Variants in FRAS1 observed in about 807,000 individuals in gnomAD.
FRAS1 encodes Fraser extracellular matrix complex subunit 1.
FRAS1 carries 290 observed loss-of-function variants against 435.2 expected under a neutral mutation model. The observed-to-expected ratio is 0.67, with a 90% CI of 0.61 to 0.73. The LOEUF is 0.73. FRAS1 is among the 30% of genes least tolerant of loss of function. The probability of loss-of-function intolerance (pLI) is 0.00; values close to 1 mark genes in which losing one functional copy is unlikely to be tolerated. For synonymous variants in FRAS1, 1,800 were observed against 1,851.0 expected, an observed-to-expected ratio of 0.97 and a Z score of 0.71; for missense variants, 4,860 against 5,001.5, an observed-to-expected ratio of 0.97 and a Z score of 0.85.
chr4:78,183,331 C>G (rs17420859), intron 2 of FRAS1, among the ~76,000 whole-genome samples: 9,595 of 152,160 alleles, frequency 0.063, 386 homozygotes, highest in Non-Finnish European at 0.092. Flanking sequence ...AGTCTCCAAC[C>G]ACAAGAACAA....
intron 18 of FRAS1, among the ~76,000 whole-genome samples, chr4:78,328,376 A>G (rs966968282): frequency 6.6e-6 from 1 of 152,240 alleles, no homozygotes; most frequent in Non-Finnish European, 1.5e-5. Flanking sequence ...AAAGTCTGAT[A>G]TAAACCTAAT....
At chr4:78,419,303 T>C (rs927892586) in intron 33 of FRAS1, among the ~76,000 whole-genome samples, 1 of 152,192 alleles carries the variant, frequency 6.6e-6, no homozygotes, top group African/African-American at 2.4e-5. Flanking sequence ...TAGCATAGCA[T>C]GCTGGATGGA....
At chr4:78,328,076 A>G (rs1031341226) in intron 18 of FRAS1, among the ~76,000 whole-genome samples, 1 of 152,142 alleles carries the variant, frequency 6.6e-6, no homozygotes, top group African/African-American at 2.4e-5. Flanking sequence ...CATTGAGCTT[A>G]TTTCTAAAAT....
chr4:78,217,723 C>A (rs994807341), intron 2 of FRAS1, among the ~76,000 whole-genome samples: 4 of 151,982 alleles, frequency 2.6e-5, no homozygotes, highest in Non-Finnish European at 5.9e-5. Flanking sequence ...TTTCAGCATT[C>A]ATTCAATGGA....
At chr4:78,204,899 T>C (rs1054219099) in intron 2 of FRAS1, among the ~76,000 whole-genome samples, 4 of 152,184 alleles carry the variant, frequency 2.6e-5, no homozygotes, top group Non-Finnish European at 4.4e-5. Flanking sequence ...TTTTCGTATA[T>C]TTTTGGGGAT....
At chr4:78,196,012 T>G (rs1722795565) in intron 2 of FRAS1, among the ~76,000 whole-genome samples, 1 of 152,096 alleles carries the variant, frequency 6.6e-6, no homozygotes, top group Admixed American at 6.5e-5. Context: ...TTTATTATGT[T>G]TTAATTTTTG....
At chr4:78,532,164 C>T (rs532468758) in intron 70 of FRAS1, among the ~76,000 whole-genome samples, 20 of 152,316 alleles carry the variant, frequency 1.3e-4, no homozygotes, top group African/African-American at 4.6e-4. Context: ...TCCCAAGTTA[C>T]CTCTGTGATC....
intron 30 of FRAS1, among the ~76,000 whole-genome samples, chr4:78,401,225 CTGTA>C (rs1732879925): frequency 6.6e-6 from 1 of 152,064 alleles, no homozygotes; most frequent in African/African-American, 2.4e-5. Flanking sequence ...CTCTCAAACT[CTGTA>C]TTATATGCCT....
Position 78,266,832 on chromosome 4 carries a change from A to G in FRAS1, c.688-2A>G. On this transcript the variant is annotated splice_acceptor_variant, in intron 7 of 73. Coordinates refer to ENST00000512123, the MANE Select transcript of FRAS1 (RefSeq NM_025074.7). LOFTEE classifies it high-confidence loss of function. ...ATGTTCTTCTTTCCTGTCTTCATGC[A>G]GCATGGTGAGCAGTGGAGCGAAAAT... 1 of 1,594,682 alleles carries G rather than the reference A, an allele frequency of 6.3e-7. No homozygotes were observed. The highest frequency in any genetic ancestry group is 8.6e-7 in the Non-Finnish European group (1 of 1,169,480).
At chr4:78,136,490 A>G (rs1212461306) in intron 2 of FRAS1, among the ~76,000 whole-genome samples, 1 of 152,194 alleles carries the variant, frequency 6.6e-6, no homozygotes, top group Non-Finnish European at 1.5e-5. Flanking sequence ...TTTTTAAACT[A>G]ATAACTTGGG....
chr4:78,171,886 T>C (rs964782220), intron 2 of FRAS1, among the ~76,000 whole-genome samples: 5 of 152,162 alleles, frequency 3.3e-5, no homozygotes, highest in African/African-American at 1.2e-4. Flanking sequence ...AGCACCATCA[T>C]GCAGCCCCAT....
chr4:78,321,348 T>G (rs1220916467), intron 18 of FRAS1, among the ~76,000 whole-genome samples: 1 of 152,158 alleles, frequency 6.6e-6, no homozygotes, highest in Non-Finnish European at 1.5e-5. Flanking sequence ...AAGTCCAGTA[T>G]CCAGTATCCG....
chr4:78,168,201 A>T (rs998479970), intron 2 of FRAS1, among the ~76,000 whole-genome samples: 1 of 151,938 alleles, frequency 6.6e-6, no homozygotes, highest in African/African-American at 2.4e-5. Flanking sequence ...GCAAATATAG[A>T]CTAATGCCCT....
chr4:78,119,154 C>G (rs559413626), intron 2 of FRAS1, among the ~76,000 whole-genome samples: 2 of 151,944 alleles, frequency 1.3e-5, no homozygotes, highest in Non-Finnish European at 2.9e-5. Context: ...TTAGAATATC[C>G]ATCATCTTAA....
intron 2 of FRAS1, among the ~76,000 whole-genome samples, chr4:78,089,490 A>T (rs1331763783): frequency 6.6e-6 from 1 of 152,136 alleles, no homozygotes; most frequent in African/African-American, 2.4e-5. Flanking sequence ...GCAGAACCCA[A>T]GGGGCCTTTG....
intron 2 of FRAS1, among the ~76,000 whole-genome samples, chr4:78,236,324 G>T (rs1193811068): frequency 2.7e-5 from 4 of 150,890 alleles, no homozygotes; most frequent in African/African-American, 9.7e-5. Flanking sequence ...TGGCTTTGAG[G>T]TTTTTTTAAA....
intron 49 of FRAS1, among the ~76,000 whole-genome samples, chr4:78,465,096 T>G (rs114528749): frequency 0.021 from 3,272 of 152,306 alleles, 121 homozygotes; most frequent in African/African-American, 0.075. Context: ...GATTAAAGCA[T>G]CTCACATTCT....
chr4:78,288,904 C>T (rs764024083), intron 14 of FRAS1, among the ~76,000 whole-genome samples: 7 of 152,250 alleles, frequency 4.6e-5, no homozygotes, highest in East Asian at 1.9e-4. Flanking sequence ...TCTTCCAATA[C>T]GTGCTAAACT....
chr4:78,170,751 G>A (rs1281481498), intron 2 of FRAS1, among the ~76,000 whole-genome samples: 2 of 152,026 alleles, frequency 1.3e-5, no homozygotes, highest in East Asian at 3.9e-4. Flanking sequence ...TGAGATGGAA[G>A]GTCAGGATCA....
Sources: gnomAD v4.1 joint callset for allele counts (sites outside exome capture counted in the v4.1 genomes callset) on GRCh38, gnomAD v4.1.1 for gene constraint, MANE v1.5 for transcripts, NCBI Gene and HGNC (gene_info 2026-07-23, HGNC 2026-07-21) for gene names.